ARAP1: variants seen among roughly 807,000 people sequenced by gnomAD.
ARAP1 encodes the protein ArfGAP with RhoGAP domain, ankyrin repeat and PH domain 1.
ARAP1 carries 76 observed loss-of-function variants against 172.2 expected under a neutral mutation model. That is an observed-to-expected ratio of 0.44 (90% CI 0.37 to 0.53). The LOEUF (loss-of-function observed/expected upper bound fraction) is 0.53. Ranked by LOEUF, ARAP1 falls within the 20% of genes least tolerant of loss-of-function variation. ARAP1 has a pLI of 0.00. For synonymous variants in ARAP1, 804 were observed against 803.3 expected, an observed-to-expected ratio of 1.00 and a Z score of -0.01; for missense variants, 1,686 against 1,977.5, an observed-to-expected ratio of 0.85 and a Z score of 2.80.
chr11:72,708,866 G>A (rs1016954393), intron 11 of ARAP1, among the ~76,000 whole-genome samples: 23 of 152,238 alleles, frequency 1.5e-4, no homozygotes, highest in African/African-American at 5.5e-4. Flanking sequence ...GCAAAACCCT[G>A]TCTCTACTAA....
Position 72,697,366 on chromosome 11 carries a change from G to A in ARAP1, c.2910C>T (p.Ile970=). The A allele has an allele frequency of 6.2e-7, 1 of 1,605,756 alleles. No homozygotes were observed. Among genetic ancestry groups the A allele is most frequent in the Non-Finnish European group, 8.5e-7 (1 of 1,176,412 alleles). Residue 970 remains isoleucine, a synonymous_variant, in exon 21 of 35, where the codon ATC becomes ATT. Coordinates refer to ENST00000393609, the MANE Select transcript of ARAP1 (RefSeq NM_001040118.3). ...LSEQQLGDSD[I]PVIVYRCVDY... ...CCACACAGCGGTACACGATCACCGG[G>A]ATATCCGAGTCCCCAAGCTGCTGCT...
rs1565214099 is a variant in ARAP1, at chr11:72,699,404, CAG to C, written c.2438+11_2438+12del. 6.2e-7 allele frequency: 1 copy of C among 1,614,020 alleles called. No homozygotes were observed. Among genetic ancestry groups the C allele is most frequent in the Non-Finnish European group, 8.5e-7 (1 of 1,180,018 alleles). ...TATAGCAACCACAGTCTGATTTGCC[CAG>C]GAGTACTCACCCATGGGTGTCAGGA... On this transcript the variant is annotated intron_variant, in intron 17 of 34. Coordinates refer to ENST00000393609, the MANE Select transcript of ARAP1 (RefSeq NM_001040118.3). This position sits in a 1 kb window ranked among gnomAD's most constrained non-coding sequence, Gnocchi z 4.2.
chr11:72,739,054 T>C (rs928669115), intron 1 of ARAP1, among the ~76,000 whole-genome samples: 2 of 152,112 alleles, frequency 1.3e-5, no homozygotes, highest in Non-Finnish European at 2.9e-5. Flanking sequence ...TATGAGGAAC[T>C]AGTGGGGGCT....
intron 1 of ARAP1, among the ~76,000 whole-genome samples, chr11:72,750,851 G>T (rs902189193): frequency 1.3e-5 from 2 of 152,212 alleles, no homozygotes; most frequent in East Asian, 3.8e-4. Flanking sequence ...AAGACTGAAG[G>T]CTGGGCAGGA....
intron 3 of ARAP1, among the ~76,000 whole-genome samples, chr11:72,719,075 G>C (rs1268548552): frequency 6.6e-6 from 1 of 152,172 alleles, no homozygotes; most frequent in African/African-American, 2.4e-5. Flanking sequence ...AGGGATGTTG[G>C]ATTATTTGTT....
chr11:72,736,990 G>A (rs2135584824), intron 1 of ARAP1, among the ~76,000 whole-genome samples: 1 of 152,334 alleles, frequency 6.6e-6, no homozygotes, highest in Non-Finnish European at 1.5e-5. Flanking sequence ...CTGACAATGA[G>A]TGAGTAAACC....
Position 72,709,981 on chromosome 11 carries a change from AG to A in ARAP1, c.1417-6del, listed in dbSNP as rs1354655109. On this transcript the variant is annotated splice_region_variant and splice_polypyrimidine_tract_variant and intron_variant, in intron 10 of 34. Transcript: ENST00000393609. ...GCCAATGCCCAGGTGGTACTCCTGG[AG>A]GGCAGATGGGACGGGATGAGGGCAA... is the stretch of plus-strand genomic sequence containing the variant. 1.9e-6 allele frequency: 3 copies of A among 1,610,762 alleles called. No individual in the cohort carries two copies. The African/African-American group carries it at 4.0e-5, about 22-fold the overall frequency.
Position 72,704,219 on chromosome 11 carries a change from G to A in ARAP1, c.1925C>T (p.Ala642Val), listed in dbSNP as rs990091714. The A allele has an allele frequency of 5.0e-6, 8 of 1,613,832 alleles. No homozygotes were observed. The African/African-American group carries it at 8.0e-5, about 16-fold the overall frequency. Residue 642 changes from alanine (A) to valine (V), a missense_variant, in exon 14 of 35, where the codon GCC (alanine) becomes GTC (valine). Ala to Val is a moderately conservative substitution (Grantham distance 64). This residue lies in a region of ARAP1 where 688 missense variants were observed against 856.9 expected (regional missense o/e 0.80). Transcript: ENST00000393609. ...GCGGTACTTGCCCTCACGGTACTTG[G>A]CCTCCAGGTGGCACCGCCGGGTGCT... ...SPSTRRCHLEAKYREGKYRRY... is the reference protein window; with the variant it reads ...SPSTRRCHLEVKYREGKYRRY...
intron 19 of ARAP1, 87 bp downstream of exon 19, chr11:72,697,824 A>C (rs1856283657): frequency 6.7e-7 from 1 of 1,487,494 alleles, no homozygotes; most frequent in African/African-American, 1.4e-5. Flanking sequence ...GGCCAGGCAG[A>C]GTTCAGATTT....
chr11:72,697,086 C>T lies in ARAP1; in HGVS notation c.3063G>A (p.Glu1021=), dbSNP rs377204604. The part of the protein sequence containing the change: ...DARSVHLKEG[E]QHVDDVSSAL... ...CCGAGGAAACATCATCCACGTGCTG[C>T]TCGCCCTCCTTGAGGTGCACAGAGC... The change falls in exon 22 of 35, where the codon GAG becomes GAA. Residue 1021 remains glutamate, a synonymous_variant. Coordinates refer to ENST00000393609, the MANE Select transcript of ARAP1 (RefSeq NM_001040118.3). The T allele has an allele frequency of 1.9e-6, 3 of 1,609,668 alleles. No individual in the cohort carries two copies. Among genetic ancestry groups the T allele is most frequent in the Non-Finnish European group, 1.7e-6 (2 of 1,179,924 alleles).
rs996192614 is a variant in ARAP1 at position 72,693,275 on chromosome 11, T to G, written c.3954+50A>C. The G allele has an allele frequency of 2.5e-6, 4 of 1,593,234 alleles. No individual in the cohort carries two copies. Among genetic ancestry groups the G allele is most frequent in the Non-Finnish European group, 3.4e-6 (4 of 1,167,700 alleles). ...GACCAAGGGGAATCTCTGAGCACAT[T>G]CAGGTGTACAGGTGCCCACCCTGGG... On this transcript the variant is annotated intron_variant, in intron 29 of 34. Transcript: ENST00000393609. The surrounding 1 kb of genome is among the most constrained non-coding windows in gnomAD (Gnocchi z 4.6).
rs139838152 is a variant in ARAP1 at position 72,705,575 on chromosome 11, TA to T, written c.1809+229del. On this transcript the variant is annotated intron_variant, in intron 13 of 34. Coordinates refer to ENST00000393609, the MANE Select transcript of ARAP1 (RefSeq NM_001040118.3). ...TGCATTTTCTTCCTTTTTTTTTCTT[TA>T]AAAAAAAATAACACTTTACAACTAT... 925 of 453,034 alleles carry T rather than the reference TA, an allele frequency of 2.0e-3. 3 individuals carry two copies. Among genetic ancestry groups the T allele is most frequent in the South Asian group, 4.7e-3 (115 of 24,460 alleles). The allele number at this position is 453,034 out of a possible 1,614,324, so 28.1% of individuals were successfully genotyped here.
At position 72,741,883 on chromosome 11, in the gene ARAP1, A is replaced by G. The variant is rs1036473535; in HGVS notation, c.-127-9286T>C. Among the ~76,000 whole-genome samples, 6 of 152,130 alleles carry G rather than the reference A, an allele frequency of 3.9e-5. No individual in the cohort carries two copies. The highest frequency in any genetic ancestry group is 2.6e-4 in the Admixed American group (4 of 15,280). On this transcript the variant is annotated intron_variant, in intron 1 of 34. Transcript: ENST00000393609. The surrounding 1 kb of genome is among the most constrained non-coding windows in gnomAD (Gnocchi z 4.5). ...GGAAACCTAAAGCTCCTGCCCACCA[A>G]GGAGGAGGGACTTGGTGGGCTCCTC... is the stretch of plus-strand genomic sequence containing the variant.
chr11:72,705,295 G>A (rs1437464896), intron 13 of ARAP1: 1 of 155,716 alleles, frequency 6.4e-6, no homozygotes, highest in Non-Finnish European at 1.4e-5. Context: ...AATGGAGGCT[G>A]AGGGCCTCTG....
chr11:72,697,793 G>A, intron 19 of ARAP1, 118 bp downstream of exon 19: 1 of 1,482,342 alleles, frequency 6.7e-7, no homozygotes, highest in Non-Finnish European at 9.1e-7. Context: ...ACATGAGAGG[G>A]CAGGATGGCG....
At chr11:72,687,221 G>T in intron 33 of ARAP1, 1 of 621,562 alleles carries the variant, frequency 1.6e-6, no homozygotes, top group South Asian at 1.9e-5. Flanking sequence ...CAAGGGCAGG[G>T]TCTGTGTCCT....
At chr11:72,744,255 G>C (rs1255215390) in intron 1 of ARAP1, among the ~76,000 whole-genome samples, 4 of 152,170 alleles carry the variant, frequency 2.6e-5, no homozygotes, top group Admixed American at 2.6e-4. Context: ...GGATACCTGT[G>C]TCCCAAAGGT....
intron 11 of ARAP1, 78 bp from the exon 12 acceptor site, chr11:72,707,452 A>G: frequency 7.3e-7 from 1 of 1,368,158 alleles, no homozygotes. Flanking sequence ...GCACAGAATG[A>G]AGTGGGGGAC....
chr11:72,696,197 T>C (rs1339565198), intron 23 of ARAP1, among the ~76,000 whole-genome samples: 1 of 152,172 alleles, frequency 6.6e-6, no homozygotes, highest in African/African-American at 2.4e-5. Flanking sequence ...CATTAGATTC[T>C]CATAAGGAGC....
Sources: gnomAD v4.1 joint callset for allele counts (sites outside exome capture counted in the v4.1 genomes callset) on GRCh38, gnomAD v4.1.1 for gene constraint, gnomAD v4.1.1 regional missense constraint, Gnocchi (gnomAD v3.1) non-coding constraint, MANE v1.5 for transcripts, NCBI Gene and HGNC (gene_info 2026-07-23, HGNC 2026-07-21) for gene names.